The following H1-6 variants were observed in gnomAD, a reference collection of about 807,000 sequenced individuals.
H1-6 encodes the protein histone H1t.
For synonymous variants in H1-6, 225 were observed against 100.1 expected, an observed-to-expected ratio of 2.25 and a Z score of -7.45; for missense variants, 538 against 246.5, an observed-to-expected ratio of 2.18 and a Z score of -7.92.
Position 26,107,415 on chromosome 6 carries a change from G to A in H1-6, c.*55C>T, listed in dbSNP as rs1459648079. ...GTTACGCCATCTTAAAATAATGTGG[G>A]TGGCTCTTAAAAGAGCCTTTGGGTT... On this transcript the variant is annotated 3_prime_UTR_variant, in exon 1 of 1. Transcript: ENST00000338379. 8 of 1,421,342 alleles carry A rather than the reference G, an allele frequency of 5.6e-6. No homozygotes were observed. The highest frequency in any genetic ancestry group is 2.3e-5 in the East Asian group (1 of 43,938). 88.0% of individuals were successfully genotyped at this position (1,421,342 alleles called of 1,614,324 possible). A position where few individuals can be genotyped will look rare whatever the true frequency, so the allele number is the denominator to read the frequency against.
chr6:26,107,820 C>T lies in H1-6; in HGVS notation c.274G>A (p.Val92Met), dbSNP rs149988775. Residue 92 changes from valine to methionine, a missense_variant, in exon 1 of 1, where the codon GTG (valine) becomes ATG (methionine). Transcript: ENST00000338379. ...SRIKLSLKSL[V>M]NKGILVQTRG... ...GTTTGCACCAGGATTCCCTTGTTCA[C>T]TAAGCTCTTGAGGGACAGTTTGATG... The T allele has an allele frequency of 3.1e-5, 50 of 1,614,106 alleles. 1 individual carries two copies. The highest frequency in any genetic ancestry group is 4.1e-5 in the Non-Finnish European group (48 of 1,180,054).
In H1-6 at chr6:26,107,716, CT is replaced by C; in HGVS notation, c.377del (p.Lys126SerfsTer58). 6.2e-7 allele frequency: 1 copy of C among 1,614,178 alleles called. No individual in the cohort carries two copies. Among genetic ancestry groups the C allele is most frequent in the Non-Finnish European group, 8.5e-7 (1 of 1,180,034 alleles). ...IPKSTRSKAK[K>X]SVSAKTKKLV... ...GCTTCTTGGTCTTGGCAGAAACTGACTTTTTAGCCTTGCTTCTGGTAGATTT... is the reference window on the plus strand; with the variant it reads ...GCTTCTTGGTCTTGGCAGAAACTGACTTTTAGCCTTGCTTCTGGTAGATTT... On this transcript the variant is annotated frameshift_variant, in exon 1 of 1. Coordinates refer to ENST00000338379, the MANE Select transcript of H1-6 (RefSeq NM_005323.4). LOFTEE classifies it low-confidence loss of function (END_TRUNC).
chr6:26,108,046 A>G lies in H1-6; in HGVS notation c.48T>C (p.Ala16=). The change falls in exon 1 of 1, where the codon GCT becomes GCC. Residue 16 remains alanine, a synonymous_variant. Coordinates refer to ENST00000338379, the MANE Select transcript of H1-6 (RefSeq NM_005323.4). The part of the protein sequence containing the change: ...PAASASAGVA[A]MEKLPTKKRG... ...GCTTCTTGGTTGGAAGTTTCTCCAT[A>G]GCGGCTACACCAGCACTGGCAGAAG... is the stretch of plus-strand genomic sequence containing the variant. The G allele has an allele frequency of 1.2e-6, 2 of 1,614,154 alleles. No homozygotes were observed. The highest frequency in any genetic ancestry group is 1.7e-6 in the Non-Finnish European group (2 of 1,180,014).
In H1-6 at chr6:26,107,957, T is replaced by G. The variant is rs376970828; in HGVS notation, c.137A>C (p.Lys46Thr). Residue 46 changes from lysine (K) to threonine (T), a missense_variant, in exon 1 of 1, where the codon AAG becomes ACG. By Grantham distance (78) the Lys-to-Thr change is moderately conservative (BLOSUM62 -1). Transcript: ENST00000338379. Reference protein sequence around the residue: ...SRKVPNLSVSKLITEALSVSQ... With the variant: ...SRKVPNLSVSTLITEALSVSQ... The stretch of plus-strand genomic sequence containing the variant: ...CACTGAAAGGGCCTCGGTGATCAAC[T>G]TGGACACAGAGAGGTTCGGCACTTT... 1.9e-6 allele frequency: 3 copies of G among 1,614,082 alleles called. No homozygotes were observed. The highest frequency in any genetic ancestry group is 2.5e-6 in the Non-Finnish European group (3 of 1,180,044).
chr6:26,107,998 C>G lies in H1-6; in HGVS notation c.96G>C (p.Leu32Phe), dbSNP rs746384390. 1.7e-5 allele frequency: 28 copies of G among 1,614,106 alleles called. 1 individual carries two copies. The highest frequency in any genetic ancestry group is 1.6e-4 in the Middle Eastern group (1 of 6,084). The change falls in exon 1 of 1, where the codon TTG becomes TTC. Residue 32 changes from leucine to phenylalanine, a missense_variant. Physicochemically the swap from Leu to Phe is conservative, Grantham distance 22. Transcript: ENST00000338379. Reference protein sequence around the residue: ...TKKRGRKPAGLISASRKVPNL... With the variant: ...TKKRGRKPAGFISASRKVPNL... ...TCGGCACTTTGCGACTTGCACTTAT[C>G]AAGCCAGCCGGCTTCCTCCCTCGCT...
rs370188409 is a variant in H1-6 at position 26,107,728 on chromosome 6, G to A, written c.366C>T (p.Ser122=). Reference sequence around the variant, plus strand: ...TGGCAGAAACTGACTTTTTAGCCTTGCTTCTGGTAGATTTAGGAATCACCT... The same window carrying A: ...TGGCAGAAACTGACTTTTTAGCCTTACTTCTGGTAGATTTAGGAATCACCT... The part of the protein sequence containing the change: ...SKKVIPKSTR[S]KAKKSVSAKT... The change falls in exon 1 of 1, where the codon AGC becomes AGT. Residue 122 remains serine, a synonymous_variant. Transcript: ENST00000338379. 3.1e-6 allele frequency: 5 copies of A among 1,614,028 alleles called. No individual in the cohort carries two copies. The highest frequency in any genetic ancestry group is 4.5e-5 in the East Asian group (2 of 44,902).
chr6:26,107,994 T>A lies in H1-6; in HGVS notation c.100A>T (p.Ser34Cys), dbSNP rs757285286. ...KRGRKPAGLI[S>C]ASRKVPNLSV... ...AGGTTCGGCACTTTGCGACTTGCAC[T>A]TATCAAGCCAGCCGGCTTCCTCCCT... is the stretch of plus-strand genomic sequence containing the variant. The change falls in exon 1 of 1, where the codon AGT becomes TGT. Residue 34 changes from serine (S) to cysteine (C), a missense_variant. By Grantham distance (112) the Ser-to-Cys change is moderately radical. Coordinates refer to ENST00000338379, the MANE Select transcript of H1-6 (RefSeq NM_005323.4). 12 of 1,614,230 alleles carry A rather than the reference T, an allele frequency of 7.4e-6. No individual in the cohort carries two copies. The South Asian group carries it at 1.3e-4, about 18-fold the overall frequency.
chr6:26,107,812 C>G lies in H1-6; in HGVS notation c.282G>C (p.Lys94Asn), dbSNP rs141494120. 1.2e-6 allele frequency: 2 copies of G among 1,614,108 alleles called. No homozygotes were observed. The highest frequency in any genetic ancestry group is 1.3e-5 in the African/African-American group (1 of 74,932). ...TACCCCTGGTTTGCACCAGGATTCC[C>G]TTGTTCACTAAGCTCTTGAGGGACA... ...IKLSLKSLVN[K>N]GILVQTRGTG... is the part of the protein sequence containing the mutation. The change falls in exon 1 of 1, where the codon AAG becomes AAC. Residue 94 changes from lysine to asparagine, a missense_variant. Coordinates refer to ENST00000338379, the MANE Select transcript of H1-6 (RefSeq NM_005323.4).
chr6:26,107,991 C>T lies in H1-6; in HGVS notation c.103G>A (p.Ala35Thr). Residue 35 changes from alanine (A) to threonine (T), a missense_variant, in exon 1 of 1, where the codon GCA becomes ACA. Physicochemically the swap from Ala to Thr is moderately conservative, Grantham distance 58. Coordinates refer to ENST00000338379, the MANE Select transcript of H1-6 (RefSeq NM_005323.4). Reference sequence around the variant, plus strand: ...GAGAGGTTCGGCACTTTGCGACTTGCACTTATCAAGCCAGCCGGCTTCCTC... The same window carrying T: ...GAGAGGTTCGGCACTTTGCGACTTGTACTTATCAAGCCAGCCGGCTTCCTC... ...RGRKPAGLIS[A>T]SRKVPNLSVS... 3 of 1,614,220 alleles carry T rather than the reference C, an allele frequency of 1.9e-6. No homozygotes were observed. The highest frequency in any genetic ancestry group is 2.5e-6 in the Non-Finnish European group (3 of 1,180,040).
Position 26,108,005 on chromosome 6 carries a change from G to A in H1-6, c.89C>T (p.Ala30Val), listed in dbSNP as rs753613931. ...LPTKKRGRKP[A>V]GLISASRKVP... ...TTTGCGACTTGCACTTATCAAGCCA[G>A]CCGGCTTCCTCCCTCGCTTCTTGGT... The change falls in exon 1 of 1, where the codon GCT becomes GTT. Residue 30 changes from alanine to valine, a missense_variant. Ala to Val is a moderately conservative substitution (Grantham distance 64, BLOSUM62 0). Coordinates refer to ENST00000338379, the MANE Select transcript of H1-6 (RefSeq NM_005323.4). 9.9e-6 allele frequency: 16 copies of A among 1,614,122 alleles called. No homozygotes were observed. The highest frequency in any genetic ancestry group is 6.7e-5 in the Admixed American group (4 of 60,010).
rs1763307732 is a variant in H1-6 at position 26,108,011 on chromosome 6, T to TTCC, written c.80_82dup (p.Arg27dup). The TTCC allele has an allele frequency of 3.1e-6, 5 of 1,614,206 alleles. No individual in the cohort carries two copies. The highest frequency in any genetic ancestry group is 3.4e-6 in the Non-Finnish European group (4 of 1,180,040). ...ACTTGCACTTATCAAGCCAGCCGGC[T>TTCC]TCCTCCCTCGCTTCTTGGTTGGAAG... On this transcript the variant is annotated inframe_insertion, in exon 1 of 1. Transcript: ENST00000338379.
Position 26,108,104 on chromosome 6 carries a change from A to G in H1-6, c.-11T>C, listed in dbSNP as rs770997575. ...CACGGTTTCAGACATAACAACAGAG[A>G]AACGCAAGATGTAATAACCAGCGAA... is the stretch of plus-strand genomic sequence containing the variant. On this transcript the variant is annotated 5_prime_UTR_variant, in exon 1 of 1. Coordinates refer to ENST00000338379, the MANE Select transcript of H1-6 (RefSeq NM_005323.4). 6.2e-7 allele frequency: 1 copy of G among 1,612,144 alleles called. No homozygotes were observed. The highest frequency in any genetic ancestry group is 8.5e-7 in the Non-Finnish European group (1 of 1,179,122).
rs781123908 is a variant in H1-6 at position 26,107,652 on chromosome 6, T to C, written c.442A>G (p.Lys148Glu). Reference protein sequence around the residue: ...SRDSKSPKTAKTNKRAKKPRA... With the variant: ...SRDSKSPKTAETNKRAKKPRA... Reference sequence around the variant, plus strand: ...GGCTTCTTGGCTCTCTTATTGGTTTTAGCAGTCTTTGGTGACTTGGAGTCC... The same window carrying C: ...GGCTTCTTGGCTCTCTTATTGGTTTCAGCAGTCTTTGGTGACTTGGAGTCC... Residue 148 changes from lysine to glutamate, a missense_variant, in exon 1 of 1, where the codon AAA (lysine) becomes GAA (glutamate). Coordinates refer to ENST00000338379, the MANE Select transcript of H1-6 (RefSeq NM_005323.4). The C allele has an allele frequency of 3.1e-6, 5 of 1,614,210 alleles. No homozygotes were observed. The highest frequency in any genetic ancestry group is 2.2e-5 in the South Asian group (2 of 91,088).
Position 26,107,557 on chromosome 6 carries a change from C to A in H1-6, c.537G>T (p.Gln179His). The change falls in exon 1 of 1, where the codon CAG becomes CAT. Residue 179 changes from glutamine (Q) to histidine (H), a missense_variant. Gln to His is a conservative substitution (Grantham distance 24, BLOSUM62 0). Transcript: ENST00000338379. ...AAGCCCTTGCCTTCACTGGGCTCTT[C>A]TGCTGTTGCTTACCCTTGGCTCCTT... is the stretch of plus-strand genomic sequence containing the variant. ...KAKGAKGKQQ[Q>H]KSPVKARASK... 5 of 1,614,086 alleles carry A rather than the reference C, an allele frequency of 3.1e-6. No homozygotes were observed. Among genetic ancestry groups the A allele is most frequent in the Non-Finnish European group, 4.2e-6 (5 of 1,179,982 alleles).
chr6:26,108,099 C>G lies in H1-6; in HGVS notation c.-6G>C, dbSNP rs768532699. The G allele has an allele frequency of 8.1e-6, 13 of 1,612,078 alleles. No individual in the cohort carries two copies. In the African/African-American group the frequency reaches 1.2e-4, roughly 15 times the overall value. Reference sequence around the variant, plus strand: ...GCAGGCACGGTTTCAGACATAACAACAGAGAAACGCAAGATGTAATAACCA... The same window carrying G: ...GCAGGCACGGTTTCAGACATAACAAGAGAGAAACGCAAGATGTAATAACCA... On this transcript the variant is annotated 5_prime_UTR_variant, in exon 1 of 1. Transcript: ENST00000338379.
rs372571438 is a variant in H1-6, at chr6:26,108,027, T to C, written c.67A>G (p.Lys23Glu). The change falls in exon 1 of 1, where the codon AAG (lysine) becomes GAG (glutamate). Residue 23 changes from lysine (K) to glutamate (E), a missense_variant. By Grantham distance (56) the Lys-to-Glu change is moderately conservative. Transcript: ENST00000338379. ...CCAGCCGGCTTCCTCCCTCGCTTCT[T>C]GGTTGGAAGTTTCTCCATAGCGGCT... ...GVAAMEKLPT[K>E]KRGRKPAGLI... is the part of the protein sequence containing the mutation. 6 of 1,614,186 alleles carry C rather than the reference T, an allele frequency of 3.7e-6. No individual in the cohort carries two copies. The highest frequency in any genetic ancestry group is 1.6e-4 in the Middle Eastern group (1 of 6,062).
chr6:26,107,559 G>C lies in H1-6; in HGVS notation c.535C>G (p.Gln179Glu). 5 of 1,614,024 alleles carry C rather than the reference G, an allele frequency of 3.1e-6. No homozygotes were observed. The highest frequency in any genetic ancestry group is 4.2e-6 in the Non-Finnish European group (5 of 1,179,964). ...KAKGAKGKQQ[Q>E]KSPVKARASK... ...GCCCTTGCCTTCACTGGGCTCTTCT[G>C]CTGTTGCTTACCCTTGGCTCCTTTA... Residue 179 changes from glutamine (Q) to glutamate (E), a missense_variant, in exon 1 of 1, where the codon CAG becomes GAG. Gln to Glu is a conservative substitution (Grantham distance 29). Transcript: ENST00000338379.
Position 26,107,925 on chromosome 6 carries a change from C to T in H1-6, c.169G>A (p.Glu57Lys), listed in dbSNP as rs1454441807. The change falls in exon 1 of 1, where the codon GAA becomes AAA. Residue 57 changes from glutamate (E) to lysine (K), a missense_variant. Physicochemically the swap from Glu to Lys is moderately conservative, Grantham distance 56. Transcript: ENST00000338379. Reference protein sequence around the residue: ...LITEALSVSQERVGMSLVALK... With the variant: ...LITEALSVSQKRVGMSLVALK... ...GCAACCAAAGACATACCTACTCGTT[C>T]CTGTGACACTGAAAGGGCCTCGGTG... is the stretch of plus-strand genomic sequence containing the variant. The T allele has an allele frequency of 1.8e-5, 29 of 1,614,094 alleles. No homozygotes were observed. The highest frequency in any genetic ancestry group is 1.6e-4 in the South Asian group (15 of 91,094).
In H1-6 at chr6:26,107,638, T is replaced by C; in HGVS notation, c.456A>G (p.Arg152=). 1.2e-6 allele frequency: 2 copies of C among 1,613,644 alleles called. No homozygotes were observed. Among genetic ancestry groups the C allele is most frequent in the Non-Finnish European group, 1.7e-6 (2 of 1,179,562 alleles). ...KSPKTAKTNK[R]AKKPRATTPK... ...GAGTTGTCGCTCTCGGCTTCTTGGC[T>C]CTCTTATTGGTTTTAGCAGTCTTTG... The change falls in exon 1 of 1, where the codon AGA becomes AGG. Residue 152 remains arginine (R), a synonymous_variant. Coordinates refer to ENST00000338379, the MANE Select transcript of H1-6 (RefSeq NM_005323.4).
Sources: gnomAD v4.1 joint callset for allele counts on GRCh38, gnomAD v4.1.1 for gene constraint, MANE v1.5 for transcripts, NCBI Gene and HGNC (gene_info 2026-07-23, HGNC 2026-07-21) for gene names.